Variants in ATP6V0D2 observed in about 807,000 individuals in gnomAD.
ATP6V0D2 encodes V-type proton ATPase subunit d 2.
Under a neutral mutation model 40.0 loss-of-function variants are expected in ATP6V0D2, and 40 were observed. The ratio of observed to expected loss-of-function variants is 1.00; its 90% CI spans 0.78 to 1.30. The LOEUF (loss-of-function observed/expected upper bound fraction) is 1.30, where lower values mean the gene tolerates loss of function less well. ATP6V0D2 is among the 50% of genes most tolerant of loss of function. The probability of loss-of-function intolerance (pLI) is 0.00; values close to 1 mark genes in which losing one functional copy is unlikely to be tolerated. For missense variants in ATP6V0D2, 470 were observed against 423.1 expected (o/e 1.11, Z -0.97); for synonymous variants, 179 against 156.3 (o/e 1.15, Z -1.08).
intron 2 of ATP6V0D2, among the ~76,000 whole-genome samples, chr8:86,136,411 GA>G (rs956212484): frequency 6.6e-6 from 1 of 152,082 alleles, no homozygotes; most frequent in African/African-American, 2.4e-5. Context: ...CATTGCAGGG[GA>G]GGTTGTGGGG....
chr8:86,141,385 A>T, intron 3 of ATP6V0D2, 65 bp from the exon 4 acceptor site: 1 of 1,242,318 alleles, frequency 8.0e-7, no homozygotes, highest in Non-Finnish European at 1.2e-6. Flanking sequence ...TGTTCAGGAT[A>T]CGTTTTCTAC....
chr8:86,115,984 G>C (rs187689933), intron 2 of ATP6V0D2, among the ~76,000 whole-genome samples: 1 of 152,146 alleles, frequency 6.6e-6, no homozygotes, highest in African/African-American at 2.4e-5. Flanking sequence ...CAGTGGGCAA[G>C]AGCAGAAGTA....
At chr8:86,142,460 C>A (rs1474035572) in intron 4 of ATP6V0D2, among the ~76,000 whole-genome samples, 1 of 152,208 alleles carries the variant, frequency 6.6e-6, no homozygotes, top group Non-Finnish European at 1.5e-5. Context: ...ACCCTACAGC[C>A]TTTCCCATAT....
chr8:86,124,997 G>A (rs1818721090), intron 2 of ATP6V0D2, among the ~76,000 whole-genome samples: 1 of 152,182 alleles, frequency 6.6e-6, no homozygotes, highest in African/African-American at 2.4e-5. Context: ...CATGAAGGAG[G>A]TGATGCCCAA....
chr8:86,113,388 A>G (rs1195271635), intron 1 of ATP6V0D2, among the ~76,000 whole-genome samples: 1 of 152,154 alleles, frequency 6.6e-6, no homozygotes, highest in African/African-American at 2.4e-5. Context: ...AGGCTGAAGC[A>G]GGAAAATTGC....
chr8:86,113,148 G>A (rs1818546625), intron 1 of ATP6V0D2, among the ~76,000 whole-genome samples: 2 of 149,352 alleles, frequency 1.3e-5, no homozygotes, highest in African/African-American at 4.9e-5. Context: ...TTTTTTTTCA[G>A]ATCTGCTAAA....
intron 1 of ATP6V0D2, among the ~76,000 whole-genome samples, chr8:86,105,580 A>C (rs1818458893): frequency 6.6e-6 from 1 of 150,518 alleles, no homozygotes; most frequent in Non-Finnish European, 1.5e-5. Flanking sequence ...TTACCGGTGT[A>C]AGCCAGCGAG....
At chr8:86,133,553 C>A (rs1202500782) in intron 2 of ATP6V0D2, among the ~76,000 whole-genome samples, 1 of 151,704 alleles carries the variant, frequency 6.6e-6, no homozygotes, top group Non-Finnish European at 1.5e-5. Flanking sequence ...GAACTCCTGA[C>A]CTTGTGATAC....
At chr8:86,123,893 C>A (rs1032538974) in intron 2 of ATP6V0D2, among the ~76,000 whole-genome samples, 2 of 152,120 alleles carry the variant, frequency 1.3e-5, no homozygotes, top group Non-Finnish European at 2.9e-5. Flanking sequence ...ATATTATCAG[C>A]ATTTTCCCCA....
intron 5 of ATP6V0D2, among the ~76,000 whole-genome samples, chr8:86,147,557 A>G (rs1819088445): frequency 6.6e-6 from 1 of 152,140 alleles, no homozygotes; most frequent in Non-Finnish European, 1.5e-5. Flanking sequence ...GGGATGGTCA[A>G]AGAACAGTCC....
intron 1 of ATP6V0D2, among the ~76,000 whole-genome samples, chr8:86,104,387 T>G (rs1031079622): frequency 6.6e-6 from 1 of 152,092 alleles, no homozygotes; most frequent in South Asian, 2.1e-4. Flanking sequence ...TGGAATATTC[T>G]GCATTTAAAA....
chr8:86,126,372 T>G (rs1818746594), intron 2 of ATP6V0D2, among the ~76,000 whole-genome samples: 1 of 150,816 alleles, frequency 6.6e-6, no homozygotes, highest in Non-Finnish European at 1.5e-5. Flanking sequence ...TCCCATCACC[T>G]AGGTATTAAG....
intron 7 of ATP6V0D2, 28 bp downstream of exon 7, chr8:86,151,568 C>T: frequency 1.3e-6 from 2 of 1,528,084 alleles, no homozygotes; most frequent in Non-Finnish European, 1.8e-6. Flanking sequence ...ATACTATTAG[C>T]TTATTTTTCT....
At chr8:86,133,562 A>C (rs2721261) in intron 2 of ATP6V0D2, among the ~76,000 whole-genome samples, 125,827 of 151,460 alleles carry the variant, frequency 0.83, 52,371 homozygotes, top group Middle Eastern at 0.88. Flanking sequence ...ACCTTGTGAT[A>C]CACCCACCTC....
intron 2 of ATP6V0D2, among the ~76,000 whole-genome samples, chr8:86,114,501 C>A (rs919630480): frequency 2.6e-5 from 4 of 152,086 alleles, no homozygotes; most frequent in African/African-American, 9.7e-5. Flanking sequence ...GAAACCCCAT[C>A]TCTACTAAAA....
At chr8:86,119,187 G>A (rs930352242) in intron 2 of ATP6V0D2, among the ~76,000 whole-genome samples, 3 of 150,938 alleles carry the variant, frequency 2.0e-5, no homozygotes, top group Non-Finnish European at 2.9e-5. Flanking sequence ...CAAAGGTTCC[G>A]CTCACTGATG....
rs117082993 is a variant in ATP6V0D2, at chr8:86,113,696, C to A, written c.131-13C>A. 1 of 1,580,338 alleles carries A rather than the reference C, an allele frequency of 6.3e-7. No individual in the cohort carries two copies. Among genetic ancestry groups the A allele is most frequent in the Non-Finnish European group, 8.6e-7 (1 of 1,162,858 alleles). ...CAAAATTTAACCTGAATTGGGGTTT[C>A]ATTTAATTTCAGACCTGAAAATTCA... is the stretch of plus-strand genomic sequence containing the variant. On this transcript the variant is annotated splice_polypyrimidine_tract_variant and intron_variant, in intron 1 of 7. Coordinates refer to ENST00000285393, the MANE Select transcript of ATP6V0D2 (RefSeq NM_152565.1).
intron 1 of ATP6V0D2, among the ~76,000 whole-genome samples, chr8:86,101,855 ACT>A (rs139360452): frequency 0.012 from 1,796 of 152,130 alleles, 40 homozygotes; most frequent in African/African-American, 0.041. Context: ...ATGATTTCTA[ACT>A]CTCTCTCTTC....
intron 1 of ATP6V0D2, among the ~76,000 whole-genome samples, chr8:86,101,304 T>A (rs6993377): frequency 0.43 from 65,054 of 150,800 alleles, 14,382 homozygotes; most frequent in East Asian, 0.51. Flanking sequence ...ACTAAAAATT[T>A]TGAAAATTGG....
Sources: allele counts gnomAD v4.1 joint callset (sites outside exome capture counted in the v4.1 genomes callset), GRCh38; gene constraint gnomAD v4.1.1; transcripts MANE v1.5; gene names NCBI Gene and HGNC (gene_info 2026-07-23, HGNC 2026-07-21).